Variants in AP3B2 observed in about 807,000 individuals in gnomAD.
AP3B2 encodes the protein adaptor related protein complex 3 subunit beta 2, also known as AP-3 complex subunit beta-2.
A neutral mutation model predicts 126.9 loss-of-function variants in AP3B2; 50 were observed. That is an observed-to-expected ratio of 0.39 (90% CI 0.31 to 0.50). The LOEUF is 0.50. Among genes scored for constraint, AP3B2 ranks in the 20% least tolerant of loss-of-function variants. The pLI is 0.79. For synonymous variants in AP3B2, 541 were observed against 565.0 expected (o/e 0.96, Z 0.60); for missense variants, 1,177 against 1,426.4 (o/e 0.83, Z 2.82).
chr15:82,708,280 G>A lies in AP3B2; in HGVS notation c.113+1314C>T, dbSNP rs375400389. ...ACTACCTACCCAAATCCTGTAAAAC[G>A]GTCCCACCCCATTTCCCTTCGCTGA... On this transcript the variant is annotated intron_variant, in intron 1 of 26. Coordinates refer to ENST00000535359, the MANE Select transcript of AP3B2 (RefSeq NM_001278512.2). 6.8e-4 allele frequency among the ~76,000 whole-genome samples: 96 copies of A among 140,676 alleles called. 1 individual carries two copies. The highest frequency in any genetic ancestry group is 2.5e-3 in the African/African-American group (93 of 37,210). The allele number at this position is 140,676 out of a possible 152,430, so 92.3% of individuals were successfully genotyped here.
chr15:82,708,639 T>A (rs1300581513), intron 1 of AP3B2: 1 of 152,278 alleles, frequency 6.6e-6, no homozygotes, highest in Non-Finnish European at 1.5e-5. Context: ...AAAATATAAA[T>A]CTGATTATGT....
chr15:82,663,058 C>T, intron 22 of AP3B2, 69 bp downstream of exon 22: 1 of 1,508,994 alleles, frequency 6.6e-7, no homozygotes, highest in Non-Finnish European at 9.0e-7. Flanking sequence ...CCACACACAT[C>T]CACACCATAG....
rs186026821 is a variant in AP3B2 at position 82,678,455 on chromosome 15, G to A, written c.1183-288C>T. On this transcript the variant is annotated intron_variant, in intron 10 of 26. Coordinates refer to ENST00000535359, the MANE Select transcript of AP3B2 (RefSeq NM_001278512.2). ...TATTGCTTTCAGGATGGAGACCATC[G>A]TATTCACCATGGTCTGTAAGTCCCT... 3.1e-3 allele frequency among the ~76,000 whole-genome samples: 473 copies of A among 152,196 alleles called. 3 individuals are homozygous for A. Among genetic ancestry groups the A allele is most frequent in the Admixed American group, 6.1e-3 (93 of 15,274 alleles).
chr15:82,678,146 C>T lies in AP3B2; in HGVS notation c.1204G>A (p.Ala402Thr). ...ACAGTAGGAATGTTGGTCTCATTGG[C>T]CAGGTTGGTCAGCACTTCCAGCTGC... ...ILKLEVLTNL[A>T]NETNIPTVLR... The change falls in exon 11 of 27, where the codon GCC becomes ACC. Residue 402 changes from alanine to threonine, a missense_variant. Ala to Thr is a moderately conservative substitution (Grantham distance 58). Coordinates refer to ENST00000535359, the MANE Select transcript of AP3B2 (RefSeq NM_001278512.2). 7 of 1,613,828 alleles carry T rather than the reference C, an allele frequency of 4.3e-6. No individual in the cohort carries two copies. Among genetic ancestry groups the T allele is most frequent in the Non-Finnish European group, 5.9e-6 (7 of 1,179,842 alleles).
intron 4 of AP3B2, among the ~76,000 whole-genome samples, chr15:82,684,210 T>A (rs1052147346): frequency 6.6e-6 from 1 of 152,244 alleles, no homozygotes; most frequent in African/African-American, 2.4e-5. Flanking sequence ...CTTCTTCCAG[T>A]AAGAGGCTGT....
At chr15:82,684,207 C>T (rs1357550003) in intron 4 of AP3B2, among the ~76,000 whole-genome samples, 1 of 152,208 alleles carries the variant, frequency 6.6e-6, no homozygotes, top group East Asian at 1.9e-4. Flanking sequence ...CATCTTCTTC[C>T]AGTAAGAGGC....
intron 10 of AP3B2, 73 bp from the exon 11 acceptor site, chr15:82,678,240 C>T: frequency 1.4e-6 from 2 of 1,390,646 alleles, no homozygotes; most frequent in Non-Finnish European, 1.0e-6. Context: ...ATTCCAAATA[C>T]ACTTCATAGA....
At chr15:82,689,874 G>C (rs558038356) in intron 1 of AP3B2, 3 of 170,716 alleles carry the variant, frequency 1.8e-5, no homozygotes, top group Non-Finnish European at 3.8e-5. Context: ...AAGCTGAGAC[G>C]GGAGGATCAC....
chr15:82,659,800 A>G (rs368901545), intron 26 of AP3B2, 45 bp downstream of exon 26: 26 of 1,609,676 alleles, frequency 1.6e-5, no homozygotes, highest in Middle Eastern at 1.7e-4. Flanking sequence ...CCTTCAAACC[A>G]GGGCCCCCAT....
intron 14 of AP3B2, among the ~76,000 whole-genome samples, chr15:82,675,083 A>C (rs1299602604): frequency 6.6e-6 from 1 of 152,142 alleles, no homozygotes; most frequent in East Asian, 1.9e-4. Flanking sequence ...TGAACAAAGG[A>C]AGTATACAAA....
At position 82,676,624 on chromosome 15, in the gene AP3B2, C is replaced by T. The variant is rs745784089; in HGVS notation, c.1502G>A (p.Arg501Gln). ...TCCGATGAGCCACAGGATGCTGGCT[C>T]GGGCCATGGGCACCTGTGGTTGTGG... ...LTDNIQVPMA[R>Q]ASILWLIGEY... is the part of the protein sequence containing the mutation. Residue 501 changes from arginine (R) to glutamine (Q), a missense_variant, in exon 14 of 27, where the codon CGA (arginine) becomes CAA (glutamine). By Grantham distance (43) the Arg-to-Gln change is conservative. Transcript: ENST00000535359. 14 of 1,613,686 alleles carry T rather than the reference C, an allele frequency of 8.7e-6. No homozygotes were observed. The South Asian group carries it at 9.9e-5, about 11-fold the overall frequency.
At chr15:82,693,411 T>C (rs2048579692) in intron 1 of AP3B2, among the ~76,000 whole-genome samples, 1 of 151,086 alleles carries the variant, frequency 6.6e-6, no homozygotes. Flanking sequence ...CACGCTCGGG[T>C]AATTTTTGTA....
intron 11 of AP3B2, 63 bp from the exon 12 acceptor site, chr15:82,677,866 G>C: frequency 6.6e-7 from 1 of 1,519,668 alleles, no homozygotes; most frequent in East Asian, 2.3e-5. Context: ...CCTTCAAGAA[G>C]GCTGTGGCCT....
Position 82,681,479 on chromosome 15 carries a change from G to A in AP3B2, c.462C>T (p.Ala154=), listed in dbSNP as rs1462751798. ...PIMMLAIKEA[A]SDMSPYVRKT... ...TCCGCACATAGGGTGACATGTCCGA[G>A]GCGGCTTCCTTGATAGCTAGCATCA... The change falls in exon 5 of 27, where the codon GCC becomes GCT. Residue 154 remains alanine (A), a synonymous_variant. Transcript: ENST00000535359. This position sits in a 1 kb window ranked among gnomAD's most constrained non-coding sequence, Gnocchi z 4.0. 4 of 1,613,998 alleles carry A rather than the reference G, an allele frequency of 2.5e-6. No individual in the cohort carries two copies. The highest frequency in any genetic ancestry group is 3.4e-6 in the Non-Finnish European group (4 of 1,179,882).
At chr15:82,663,289 A>G (rs1428895420) in intron 21 of AP3B2, 56 bp from the exon 22 acceptor site, 1 of 1,348,584 alleles carries the variant, frequency 7.4e-7, no homozygotes. Context: ...TGGGTTGAGC[A>G]GGGAGCCTAG....
At chr15:82,659,816 T>C in intron 26 of AP3B2, 29 bp downstream of exon 26, 1 of 1,611,698 alleles carries the variant, frequency 6.2e-7, no homozygotes, top group South Asian at 1.1e-5. Flanking sequence ...CCCATGCTCA[T>C]CATTTCCCCT....
Position 82,664,508 on chromosome 15 carries a change from G to C in AP3B2, c.2138-18C>G, listed in dbSNP as rs749176646. 12 of 1,608,172 alleles carry C rather than the reference G, an allele frequency of 7.5e-6. No homozygotes were observed. Among genetic ancestry groups the C allele is most frequent in the Non-Finnish European group, 9.3e-6 (11 of 1,177,358 alleles). ...CTCAGGGTCTGTGGAGGAACAATAT[G>C]AGGCCTCCTCCCTCATATGCAGGCC... On this transcript the variant is annotated intron_variant, in intron 18 of 26. Transcript: ENST00000535359. This position sits in a 1 kb window ranked among gnomAD's most constrained non-coding sequence, Gnocchi z 4.5.
chr15:82,687,329 A>G (rs2048446073), intron 4 of AP3B2: 1 of 152,230 alleles, frequency 6.6e-6, no homozygotes, highest in Non-Finnish European at 1.5e-5. Flanking sequence ...TTGAGACTAT[A>G]AGGCCTACAA....
chr15:82,689,972 A>AC (rs1405364903), intron 1 of AP3B2: 7 of 154,148 alleles, frequency 4.5e-5, no homozygotes, highest in African/African-American at 1.7e-4. Context: ...AAAAAAACAC[A>AC]AAAAACAAAA....
Sources: allele counts gnomAD v4.1 joint callset (sites outside exome capture counted in the v4.1 genomes callset), GRCh38; gene constraint gnomAD v4.1.1; non-coding constraint Gnocchi (gnomAD v3.1); transcripts MANE v1.5; gene names NCBI Gene and HGNC (gene_info 2026-07-23, HGNC 2026-07-21).